Variants in TMED8 observed in about 807,000 individuals in gnomAD.
TMED8 encodes transmembrane p24 trafficking protein family member 8, also known as protein TMED8.
In TMED8, 15 loss-of-function variants were observed where a neutral mutation model predicts 32.7. That is an observed-to-expected ratio of 0.46 (90% CI 0.31 to 0.71). TMED8 has a LOEUF of 0.71. TMED8 is among the 30% of genes least tolerant of loss of function. TMED8 has a pLI of 0.06. For missense variants in TMED8, 390 were observed against 423.9 expected, an observed-to-expected ratio of 0.92 and a Z score of 0.70; for synonymous variants, 147 against 161.4, an observed-to-expected ratio of 0.91 and a Z score of 0.68.
intron 1 of TMED8, among the ~76,000 whole-genome samples, chr14:77,371,211 T>C (rs182369486): frequency 2.6e-5 from 4 of 152,320 alleles, no homozygotes; most frequent in Admixed American, 2.6e-4. Context: ...AAGGGGCATA[T>C]ATTGTAATTC....
chr14:77,352,159 T>G (rs935148096), intron 1 of TMED8, among the ~76,000 whole-genome samples: 2 of 151,562 alleles, frequency 1.3e-5, no homozygotes, highest in African/African-American at 4.9e-5. Context: ...CCAGATGCAG[T>G]GGTTCATGCC....
intron 1 of TMED8, among the ~76,000 whole-genome samples, chr14:77,372,937 TATATATATATA>T (rs1893718011): frequency 2.1e-4 from 7 of 34,100 alleles, no homozygotes; most frequent in Non-Finnish European, 2.5e-4. Context: ...TATATATATA[TATATATATATA>T]TATATTTTTT....
At chr14:77,358,324 C>T (rs370931729) in intron 1 of TMED8, among the ~76,000 whole-genome samples, 19 of 149,736 alleles carry the variant, frequency 1.3e-4, no homozygotes, top group Admixed American at 2.7e-4. Flanking sequence ...TTTTTTGAGA[C>T]GGAGTCTTGC....
chr14:77,377,061 C>G lies in TMED8; in HGVS notation c.-8G>C. 3.7e-6 allele frequency: 5 copies of G among 1,354,048 alleles called. No individual in the cohort carries two copies. Among genetic ancestry groups the G allele is most frequent in the Non-Finnish European group, 4.7e-6 (5 of 1,056,614 alleles). 83.9% of individuals were successfully genotyped at this position (1,354,048 alleles called of 1,614,324 possible). On this transcript the variant is annotated 5_prime_UTR_variant, in exon 1 of 6. Transcript: ENST00000216468. The stretch of plus-strand genomic sequence containing the variant: ...CGCCTGCAGGTCAGACATCTGCAGC[C>G]CGCGCACGGAGCTCTCCGCTGCCAG...
chr14:77,346,461 G>A lies in TMED8; in HGVS notation c.215C>T (p.Pro72Leu), dbSNP rs1197084985. 1 of 1,614,106 alleles carries A rather than the reference G, an allele frequency of 6.2e-7. No homozygotes were observed. Among genetic ancestry groups the A allele is most frequent in the Admixed American group, 1.7e-5 (1 of 60,002 alleles). Residue 72 changes from proline to leucine, a missense_variant, in exon 3 of 6, where the codon CCA becomes CTA. Physicochemically the swap from Pro to Leu is moderately conservative, Grantham distance 98. Transcript: ENST00000216468. ...ATCTTCCGTGGCATCCTTACTCACT[G>A]GAGATACCATCTGTGGCCTCTCAGA... is the stretch of plus-strand genomic sequence containing the variant. ...SSPHRPQMVS[P>L]VSKDATEDLR...
intron 2 of TMED8, among the ~76,000 whole-genome samples, chr14:77,350,657 A>G (rs564116147): frequency 2.6e-5 from 4 of 152,286 alleles, no homozygotes; most frequent in African/African-American, 9.6e-5. Flanking sequence ...TTTAAAAAAC[A>G]TATTTTAAGG....
chr14:77,371,106 T>C (rs1482903342), intron 1 of TMED8, among the ~76,000 whole-genome samples: 1 of 152,230 alleles, frequency 6.6e-6, no homozygotes, highest in East Asian at 1.9e-4. Flanking sequence ...TATTCCATAA[T>C]GTATTACCAT....
intron 1 of TMED8, among the ~76,000 whole-genome samples, chr14:77,374,655 C>T (rs1893772365): frequency 6.6e-6 from 1 of 152,210 alleles, no homozygotes; most frequent in African/African-American, 2.4e-5. Context: ...GACTTTCTCT[C>T]ACCATCAAAC....
intron 3 of TMED8, 116 bp downstream of exon 3, chr14:77,346,233 G>A (rs760518945): frequency 6.0e-5 from 65 of 1,076,612 alleles, no homozygotes; most frequent in Non-Finnish European, 8.1e-5. Context: ...AAATTAGAGG[G>A]CAAAGAGAGA....
At chr14:77,370,348 T>C (rs1416457972) in intron 1 of TMED8, among the ~76,000 whole-genome samples, 1 of 152,162 alleles carries the variant, frequency 6.6e-6, no homozygotes, top group Non-Finnish European at 1.5e-5. Context: ...TGAAAGACAG[T>C]AGTGGATTTA....
At chr14:77,362,967 G>A (rs1039087458) in intron 1 of TMED8, among the ~76,000 whole-genome samples, 3 of 152,010 alleles carry the variant, frequency 2.0e-5, no homozygotes, top group Non-Finnish European at 4.4e-5. Flanking sequence ...AGCACCTAAA[G>A]GTATAAACCA....
intron 1 of TMED8, among the ~76,000 whole-genome samples, chr14:77,358,124 CAA>C (rs35361617): frequency 4.9e-4 from 37 of 76,234 alleles, no homozygotes; most frequent in East Asian, 2.4e-3. Context: ...GCTCTGTCTC[CAA>C]AAAAAAAAAA....
In TMED8 at chr14:77,376,647, G is replaced by A. The variant is rs1236489784; in HGVS notation, c.118+289C>T. ...CCCGGCTGAAGCTGAAACTGAAGCT[G>A]AAGAGGCGCCAGGGGCAGAGCCACC... On this transcript the variant is annotated intron_variant, in intron 1 of 5. Coordinates refer to ENST00000216468, the MANE Select transcript of TMED8 (RefSeq NM_213601.3). The surrounding 1 kb of genome is among the most constrained non-coding windows in gnomAD (Gnocchi z 4.0). The A allele has an allele frequency of 8.6e-6, 2 of 233,902 alleles. No homozygotes were observed. The highest frequency in any genetic ancestry group is 1.6e-5 in the Non-Finnish European group (2 of 121,480). 14.5% of individuals were successfully genotyped at this position (233,902 alleles called of 1,614,324 possible). A position where few individuals can be genotyped will look rare whatever the true frequency, so the allele number is the denominator to read the frequency against.
intron 1 of TMED8, among the ~76,000 whole-genome samples, chr14:77,374,423 C>T (rs889475314): frequency 1.3e-5 from 2 of 152,256 alleles, no homozygotes; most frequent in African/African-American, 4.8e-5. Context: ...TGCCCTGTGC[C>T]TTGCAGGATG....
chr14:77,343,420 C>T lies in TMED8; in HGVS notation c.518G>A (p.Ser173Asn), dbSNP rs201161445. Residue 173 changes from serine (S) to asparagine (N), a missense_variant, in exon 5 of 6, where the codon AGC becomes AAC. Ser to Asn is a conservative substitution (Grantham distance 46, BLOSUM62 1). Transcript: ENST00000216468. ...GCTGTTCTTCTCTTTGCCCAGCTTGCTTTTGAATTCCTTCACCTTGGCAAA... is the reference window on the plus strand; with the variant it reads ...GCTGTTCTTCTCTTTGCCCAGCTTGTTTTTGAATTCCTTCACCTTGGCAAA... ...WTFAKVKEFKSKLGKEKNSRL... is the reference protein window; with the variant it reads ...WTFAKVKEFKNKLGKEKNSRL... The T allele has an allele frequency of 1.2e-6, 2 of 1,613,804 alleles. No individual in the cohort carries two copies. Among genetic ancestry groups the T allele is most frequent in the Non-Finnish European group, 8.5e-7 (1 of 1,179,896 alleles).
At chr14:77,373,625 A>G (rs995143035) in intron 1 of TMED8, among the ~76,000 whole-genome samples, 5 of 152,320 alleles carry the variant, frequency 3.3e-5, no homozygotes, top group African/African-American at 1.2e-4. Flanking sequence ...ATTCTGGATA[A>G]TGACACATTC....
intron 2 of TMED8, among the ~76,000 whole-genome samples, chr14:77,347,930 A>G (rs1893087659): frequency 6.6e-6 from 1 of 152,214 alleles, no homozygotes; most frequent in Admixed American, 6.5e-5. Context: ...CTGTTTCATA[A>G]TAACACTAAA....
chr14:77,355,235 G>A (rs1209132304), intron 1 of TMED8, among the ~76,000 whole-genome samples: 3 of 140,258 alleles, frequency 2.1e-5, no homozygotes, highest in African/African-American at 7.8e-5. Context: ...TTGCTCTGTT[G>A]CCCAGGCTGG....
Position 77,377,048 on chromosome 14 carries a change from A to G in TMED8, c.6T>C (p.Ser2=), listed in dbSNP as rs1057355421. 6.6e-6 allele frequency: 9 copies of G among 1,365,000 alleles called. No individual in the cohort carries two copies. The highest frequency in any genetic ancestry group is 3.0e-5 in the East Asian group (1 of 33,138). The allele number at this position is 1,365,000 out of a possible 1,614,324, so 84.6% of individuals were successfully genotyped here. The change falls in exon 1 of 6, where the codon TCT becomes TCC. Residue 2 remains serine, a synonymous_variant. Transcript: ENST00000216468. The part of the protein sequence containing the change: M[S]DLQAAEGPGS... ...CCGGCCCCTCAGCCGCCTGCAGGTC[A>G]GACATCTGCAGCCCGCGCACGGAGC...
Sources: allele counts gnomAD v4.1 joint callset (sites outside exome capture counted in the v4.1 genomes callset), GRCh38; gene constraint gnomAD v4.1.1; non-coding constraint Gnocchi (gnomAD v3.1); transcripts MANE v1.5; gene names NCBI Gene and HGNC (gene_info 2026-07-23, HGNC 2026-07-21).